NDRG1: variants seen among roughly 807,000 people sequenced by gnomAD.
The protein encoded by NDRG1 is N-myc downstream regulated 1, also known as protein NDRG1.
In NDRG1, 32 loss-of-function variants were observed where a neutral mutation model predicts 56.9. That is an observed-to-expected ratio of 0.56 (90% CI 0.42 to 0.76). The LOEUF (loss-of-function observed/expected upper bound fraction) is 0.76, where lower values mean the gene tolerates loss of function less well. Ranked by LOEUF, NDRG1 falls within the 30% of genes least tolerant of loss-of-function variation. NDRG1 has a pLI of 0.00. For synonymous variants in NDRG1, 211 were observed against 204.1 expected (o/e 1.03, Z -0.29); for missense variants, 507 against 545.7 (o/e 0.93, Z 0.71).
At chr8:133,294,887 A>G (rs1034428330) in intron 1 of NDRG1, among the ~76,000 whole-genome samples, 11 of 152,150 alleles carry the variant, frequency 7.2e-5, no homozygotes, top group Non-Finnish European at 1.3e-4. Flanking sequence ...GGCAGGCAAA[A>G]TCCTGCCAGG....
chr8:133,284,665 G>A, intron 1 of NDRG1: 1 of 457,648 alleles, frequency 2.2e-6, no homozygotes, highest in East Asian at 5.5e-5. Context: ...GCAGCTCACT[G>A]CATTCTAGAA....
intron 1 of NDRG1, chr8:133,296,614 C>T (rs1858779556): frequency 8.9e-6 from 4 of 451,162 alleles, no homozygotes; most frequent in South Asian, 6.3e-5. Context: ...CCCCCCTCTC[C>T]AGCCTCCTTG....
At chr8:133,288,665 G>A (rs116632715) in intron 1 of NDRG1, among the ~76,000 whole-genome samples, 4,135 of 152,298 alleles carry the variant, frequency 0.027, 80 homozygotes, top group African/African-American at 0.04. Flanking sequence ...CATCAAAGAG[G>A]TCCTCCAGCA....
chr8:133,292,219 G>A (rs1443567616), intron 1 of NDRG1, among the ~76,000 whole-genome samples: 2 of 152,192 alleles, frequency 1.3e-5, no homozygotes, highest in East Asian at 1.9e-4. Flanking sequence ...CACAAACGGA[G>A]CCAGTGTTAG....
intron 4 of NDRG1, 24 bp downstream of exon 4, chr8:133,264,523 G>A: frequency 6.2e-7 from 1 of 1,605,586 alleles, no homozygotes; most frequent in Non-Finnish European, 8.5e-7. Context: ...GGCTGACAGG[G>A]AATCAGAGCT....
chr8:133,250,545 T>A lies in NDRG1; in HGVS notation c.595-2A>T, dbSNP rs758718584. On this transcript the variant is annotated splice_acceptor_variant, in intron 9 of 15. Transcript: ENST00000323851. LOFTEE classifies it high-confidence loss of function. The stretch of plus-strand genomic sequence containing the variant: ...TTCCACGTTACTCTGCATTTCTTCC[T>A]GCATTTAGAGAGGTGAGAAGATGGT... 1.2e-6 allele frequency: 2 copies of A among 1,613,620 alleles called. No individual in the cohort carries two copies. The highest frequency in any genetic ancestry group is 2.2e-5 in the South Asian group (2 of 91,064).
rs1218210101 is a variant in NDRG1, at chr8:133,237,515, C to CAGT, written c.*1360_*1362dup. ...GTGAGCCAAAATGAAAAGTACAAGG[C>CAGT]AGTAGTACAGGAACCTGGCAGCCGC... On this transcript the variant is annotated 3_prime_UTR_variant, in exon 16 of 16. Coordinates refer to ENST00000323851, the MANE Select transcript of NDRG1 (RefSeq NM_006096.4). The CAGT allele has an allele frequency of 4.3e-6, 1 of 233,012 alleles. No homozygotes were observed. The highest frequency in any genetic ancestry group is 8.5e-6 in the Non-Finnish European group (1 of 117,968). The allele number at this position is 233,012 out of a possible 1,614,324, so 14.4% of individuals were successfully genotyped here. A position where few individuals can be genotyped will look rare whatever the true frequency, so the allele number is the denominator to read the frequency against.
intron 1 of NDRG1, among the ~76,000 whole-genome samples, chr8:133,286,568 T>C (rs930325624): frequency 6.6e-6 from 1 of 152,190 alleles, no homozygotes; most frequent in African/African-American, 2.4e-5. Context: ...TCGCTGTGTG[T>C]CCTAGAAATA....
intron 2 of NDRG1, among the ~76,000 whole-genome samples, chr8:133,282,225 C>T (rs372518962): frequency 6.6e-6 from 1 of 152,178 alleles, no homozygotes; most frequent in African/African-American, 2.4e-5. Flanking sequence ...TTGGACCCAG[C>T]GATGCCACTT....
intron 3 of NDRG1, among the ~76,000 whole-genome samples, chr8:133,277,285 G>C (rs1309282292): frequency 1.3e-5 from 2 of 152,082 alleles, no homozygotes; most frequent in African/African-American, 4.8e-5. Flanking sequence ...TAAAGTTCCA[G>C]GGGTACAGTG....
At chr8:133,266,330 C>G (rs1856918223) in intron 3 of NDRG1, among the ~76,000 whole-genome samples, 2 of 152,262 alleles carry the variant, frequency 1.3e-5, no homozygotes, top group South Asian at 2.1e-4. Flanking sequence ...ACAGAACACT[C>G]TAAATGCTGT....
At chr8:133,243,470 G>T (rs1178547407) in intron 14 of NDRG1, among the ~76,000 whole-genome samples, 1 of 152,162 alleles carries the variant, frequency 6.6e-6, no homozygotes, top group East Asian at 1.9e-4. Context: ...ACTATTGCAA[G>T]GACCTAATTT....
intron 11 of NDRG1, among the ~76,000 whole-genome samples, chr8:133,248,343 A>C (rs1855811377): frequency 6.6e-6 from 1 of 152,162 alleles, no homozygotes; most frequent in Non-Finnish European, 1.5e-5. Context: ...TCTGTCCATG[A>C]CTGTCTTTTC....
intron 3 of NDRG1, among the ~76,000 whole-genome samples, chr8:133,270,612 G>A (rs1285365933): frequency 2.0e-5 from 3 of 152,168 alleles, no homozygotes; most frequent in Non-Finnish European, 2.9e-5. Context: ...CTTGGAACAT[G>A]GATGAGATGC....
At chr8:133,270,868 T>C (rs370592569) in intron 3 of NDRG1, among the ~76,000 whole-genome samples, 2 of 152,234 alleles carry the variant, frequency 1.3e-5, no homozygotes, top group South Asian at 4.1e-4. Context: ...TGACAATCCC[T>C]GCCATCAGTT....
intron 1 of NDRG1, among the ~76,000 whole-genome samples, chr8:133,290,735 C>G (rs1166194458): frequency 6.6e-6 from 1 of 152,184 alleles, no homozygotes; most frequent in African/African-American, 2.4e-5. Context: ...GAGCTTTTGG[C>G]AAAACCAGCA....
intron 1 of NDRG1, among the ~76,000 whole-genome samples, chr8:133,287,547 G>A (rs997876292): frequency 1.3e-5 from 2 of 152,242 alleles, no homozygotes; most frequent in African/African-American, 4.8e-5. Context: ...TCACTCATCA[G>A]GCTGCATCTG....
At position 133,264,670 on chromosome 8, in the gene NDRG1, A is replaced by G. The variant is rs1348034875; in HGVS notation, c.100-18T>C. On this transcript the variant is annotated intron_variant, in intron 3 of 15. Transcript: ENST00000323851. ...TCCTGCTCCTGAGGAGACACAGCAGACAGTGGGCTGGTCATGTGGGGTTCA... is the reference window on the plus strand; with the variant it reads ...TCCTGCTCCTGAGGAGACACAGCAGGCAGTGGGCTGGTCATGTGGGGTTCA... 1 of 1,607,756 alleles carries G rather than the reference A, an allele frequency of 6.2e-7. No individual in the cohort carries two copies. The highest frequency in any genetic ancestry group is 1.1e-5 in the South Asian group (1 of 90,938).
chr8:133,265,605 C>T (rs999502537), intron 3 of NDRG1, among the ~76,000 whole-genome samples: 1 of 152,116 alleles, frequency 6.6e-6, no homozygotes, highest in African/African-American at 2.4e-5. Flanking sequence ...CGGCCAGTGA[C>T]CCCCAGCCAG....
Sources: gnomAD v4.1 joint callset for allele counts (sites outside exome capture counted in the v4.1 genomes callset) on GRCh38, gnomAD v4.1.1 for gene constraint, MANE v1.5 for transcripts, NCBI Gene and HGNC (gene_info 2026-07-23, HGNC 2026-07-21) for gene names.